Variants in LIN52 observed in about 807,000 individuals in gnomAD.
The protein encoded by LIN52 is protein lin-52 homolog.
Under a neutral mutation model 18.5 loss-of-function variants are expected in LIN52, and 4 were observed. The observed-to-expected ratio is 0.22, with a 90% confidence interval of 0.11 to 0.49. The LOEUF (loss-of-function observed/expected upper bound fraction) is 0.49, where lower values mean the gene tolerates loss of function less well. Ranked by LOEUF, LIN52 falls within the 20% of genes least tolerant of loss-of-function variation. The pLI is 0.97. For synonymous variants in LIN52, 34 were observed against 45.5 expected (o/e 0.75, Z 1.02); for missense variants, 102 against 139.5 (o/e 0.73, Z 1.35).
intron 5 of LIN52, among the ~76,000 whole-genome samples, chr14:74,193,362 TATGGC>T (rs2078891833): frequency 6.6e-6 from 1 of 151,790 alleles, no homozygotes; most frequent in Non-Finnish European, 1.5e-5. Context: ...TGCAGTGAGC[TATGGC>T]TGCACCACTG....
At chr14:74,114,526 T>G in intron 5 of LIN52, 1 of 671,432 alleles carries the variant, frequency 1.5e-6, no homozygotes, top group Non-Finnish European at 1.8e-6. Flanking sequence ...AAGCTGAAAT[T>G]AGAGCTTACC....
intron 5 of LIN52, among the ~76,000 whole-genome samples, chr14:74,170,399 A>G (rs901086742): frequency 3.3e-5 from 5 of 152,170 alleles, no homozygotes; most frequent in Non-Finnish European, 7.3e-5. Context: ...GTTCTTAAGC[A>G]TAATTATTAA....
At chr14:74,178,579 T>C (rs887313234) in intron 5 of LIN52, among the ~76,000 whole-genome samples, 1 of 151,814 alleles carries the variant, frequency 6.6e-6, no homozygotes, top group Non-Finnish European at 1.5e-5. Flanking sequence ...TGCGTTAGCC[T>C]CCCGAGTAGC....
chr14:74,149,388 G>T (rs2061166861), intron 5 of LIN52, among the ~76,000 whole-genome samples: 2 of 152,116 alleles, frequency 1.3e-5, no homozygotes, highest in South Asian at 4.1e-4. Flanking sequence ...TAAATTCATA[G>T]GTATTAAAAT....
intron 5 of LIN52, among the ~76,000 whole-genome samples, chr14:74,123,660 G>A (rs747666240): frequency 5.3e-5 from 8 of 152,084 alleles, no homozygotes; most frequent in Non-Finnish European, 8.8e-5. Context: ...CCTCTAAGAC[G>A]GTCCCCAGTG....
At chr14:74,144,209 C>T (rs181311396) in intron 5 of LIN52, among the ~76,000 whole-genome samples, 3 of 151,868 alleles carry the variant, frequency 2.0e-5, no homozygotes, top group African/African-American at 7.2e-5. Flanking sequence ...ACTGCAGCTT[C>T]GACCCTGGGG....
At chr14:74,195,886 A>C (rs950759422) in intron 5 of LIN52, among the ~76,000 whole-genome samples, 1 of 152,218 alleles carries the variant, frequency 6.6e-6, no homozygotes, top group Non-Finnish European at 1.5e-5. Flanking sequence ...TTAATCAGAA[A>C]TGTTAACATC....
chr14:74,104,438 C>T (rs2060884171), intron 5 of LIN52, among the ~76,000 whole-genome samples: 1 of 151,878 alleles, frequency 6.6e-6, no homozygotes, highest in Admixed American at 6.6e-5. Context: ...TTTATTTCCC[C>T]TTGTCATTTG....
At position 74,138,342 on chromosome 14, in the gene LIN52, A is replaced by G. The variant is rs570928329; in HGVS notation, c.283+37104A>G. Among the ~76,000 whole-genome samples, 6 of 152,350 alleles carry G rather than the reference A, an allele frequency of 3.9e-5. No individual in the cohort carries two copies. The South Asian group carries it at 1.2e-3, about 32-fold the overall frequency. ...AATGGGAAGGAATTTTTGAGAATGG[A>G]TAAGATATTTTGGGGGAAAATTGAT... On this transcript the variant is annotated intron_variant, in intron 5 of 5. Transcript: ENST00000555028.
chr14:74,136,552 G>A (rs1254266367), intron 5 of LIN52, among the ~76,000 whole-genome samples: 1 of 152,176 alleles, frequency 6.6e-6, no homozygotes, highest in Non-Finnish European at 1.5e-5. Flanking sequence ...CATTTCTGCT[G>A]CTGTCAGCTG....
intron 5 of LIN52, among the ~76,000 whole-genome samples, chr14:74,142,790 A>T (rs2061137110): frequency 6.8e-6 from 1 of 146,182 alleles, no homozygotes. Flanking sequence ...TCTGAAACAG[A>T]CTGAATGTGG....
intron 5 of LIN52, among the ~76,000 whole-genome samples, chr14:74,165,377 C>T (rs1321472669): frequency 6.6e-6 from 1 of 151,482 alleles, no homozygotes; most frequent in African/African-American, 2.4e-5. Context: ...TTTTTTCATT[C>T]CTTTGGTTCA....
chr14:74,130,277 G>GTTTTTTTTTTT (rs371965343), intron 5 of LIN52, among the ~76,000 whole-genome samples: 3,711 of 45,856 alleles, frequency 0.081, 391 homozygotes, highest in East Asian at 0.47. Flanking sequence ...GGCATTTTTT[G>GTTTTTTTTTTT]GTTTTTTTTT....
intron 5 of LIN52, among the ~76,000 whole-genome samples, chr14:74,162,190 C>T (rs1191160228): frequency 2.6e-5 from 4 of 151,980 alleles, no homozygotes; most frequent in African/African-American, 9.7e-5. Context: ...GATAACAAAG[C>T]ATAAGTGTGA....
At chr14:74,157,055 A>G (rs2061202373) in intron 5 of LIN52, among the ~76,000 whole-genome samples, 1 of 142,470 alleles carries the variant, frequency 7.0e-6, no homozygotes, top group African/African-American at 2.5e-5. Context: ...TTTTTGAGAC[A>G]GAATTTCACT....
At chr14:74,087,413 CAAAAAAAA>C (rs59052804) in intron 1 of LIN52, among the ~76,000 whole-genome samples, 17,858 of 100,536 alleles carry the variant, frequency 0.18, 1,769 homozygotes, top group East Asian at 0.62. Flanking sequence ...GACTCCATTG[CAAAAAAAA>C]AAAAAAAAAA....
At chr14:74,120,345 G>A (rs569801497) in intron 5 of LIN52, among the ~76,000 whole-genome samples, 61 of 151,868 alleles carry the variant, frequency 4.0e-4, no homozygotes, top group African/African-American at 1.1e-3. Context: ...TTGGCCAGGC[G>A]CAGTGGCTCA....
chr14:74,195,009 G>A (rs1489898163), intron 5 of LIN52, among the ~76,000 whole-genome samples: 5 of 152,160 alleles, frequency 3.3e-5, no homozygotes, highest in Non-Finnish European at 5.9e-5. Flanking sequence ...AGCCAAGTGT[G>A]GTGGTGCATG....
At chr14:74,193,828 A>G (rs1205438638) in intron 5 of LIN52, among the ~76,000 whole-genome samples, 1 of 151,982 alleles carries the variant, frequency 6.6e-6, no homozygotes, top group Non-Finnish European at 1.5e-5. Context: ...TTTCCTGGCC[A>G]CTCATATTAC....
Sources: allele counts gnomAD v4.1 joint callset (sites outside exome capture counted in the v4.1 genomes callset), GRCh38; gene constraint gnomAD v4.1.1; transcripts MANE v1.5; gene names NCBI Gene and HGNC (gene_info 2026-07-23, HGNC 2026-07-21).